Variants in ANK2 observed in about 807,000 individuals in gnomAD.
ANK2 encodes the protein ankyrin-2.
In ANK2, 83 loss-of-function variants were observed where a neutral mutation model predicts 360.5. The observed-to-expected ratio is 0.23, with a 90% CI of 0.19 to 0.28. The LOEUF is 0.28. Among genes scored for constraint, ANK2 ranks in the 10% least tolerant of loss-of-function variants. The probability of loss-of-function intolerance (pLI) is 1.00; values close to 1 mark genes in which losing one functional copy is unlikely to be tolerated. For synonymous variants in ANK2, 1,740 were observed against 1,759.5 expected, an observed-to-expected ratio of 0.99 and a Z score of 0.28; for missense variants, 4,201 against 4,795.7, an observed-to-expected ratio of 0.88 and a Z score of 3.66.
At chr4:113,207,686 CAAAAAA>C (rs34818513) in intron 4 of ANK2, among the ~76,000 whole-genome samples, 19 of 101,622 alleles carry the variant, frequency 1.9e-4, no homozygotes, top group African/African-American at 5.9e-4. Flanking sequence ...GATCACAAAG[CAAAAAA>C]AAAAAAAAAA....
chr4:112,756,063 C>G, the ANK2 span: 2 of 152,042 alleles, frequency 1.3e-5, no homozygotes, highest in Admixed American at 1.3e-4. Flanking sequence ...CACGGTGAAA[C>G]CCCATCTCTA....
intron 1 of ANK2, among the ~76,000 whole-genome samples, chr4:112,871,195 T>A (rs928032590): frequency 2.6e-5 from 4 of 152,096 alleles, no homozygotes; most frequent in Admixed American, 2.6e-4. Context: ...TTAGTTTTTT[T>A]TTTTTTGTGA....
At chr4:112,825,906 T>C (rs2058317651) in intron 1 of ANK2, among the ~76,000 whole-genome samples, 1 of 152,168 alleles carries the variant, frequency 6.6e-6, no homozygotes, top group Admixed American at 6.5e-5. Flanking sequence ...ATAAGAACAT[T>C]CCTTTCCTCC....
chr4:112,904,081 G>C (rs988553049), intron 1 of ANK2, among the ~76,000 whole-genome samples: 1 of 152,046 alleles, frequency 6.6e-6, no homozygotes, highest in Admixed American at 6.6e-5. Flanking sequence ...AATACTCTTT[G>C]GTCAGCAATT....
In ANK2 at chr4:113,069,059, A is replaced by G. The variant is rs533555718; in HGVS notation, c.84+19247A>G. ...CAACACAGCGAGACCCTGTCTAATG[A>G]AAAGAAAAGAAAAGAAGAGAAAAGA... On this transcript the variant is annotated intron_variant, in intron 1 of 45. Coordinates refer to ENST00000357077, the MANE Select transcript of ANK2 (RefSeq NM_001148.6). Among the ~76,000 whole-genome samples, 732 of 151,098 alleles carry G rather than the reference A, an allele frequency of 4.8e-3. 3 individuals are homozygous for G. Among genetic ancestry groups the G allele is most frequent in the African/African-American group, 0.017 (700 of 40,554 alleles).
intron 1 of ANK2, among the ~76,000 whole-genome samples, chr4:113,168,165 A>G (rs530310335): frequency 6.6e-6 from 1 of 152,332 alleles, no homozygotes; most frequent in Admixed American, 6.5e-5. Flanking sequence ...AGCAAAAATT[A>G]GTGTTAAAAT....
the ANK2 span, among the ~76,000 whole-genome samples, chr4:112,733,264 A>G: frequency 6.6e-6 from 1 of 152,130 alleles, no homozygotes; most frequent in Non-Finnish European, 1.5e-5. Flanking sequence ...ACTGTTATTT[A>G]TATCTCCCTG....
At chr4:113,305,962 A>C (rs998127778) in intron 23 of ANK2, among the ~76,000 whole-genome samples, 1 of 152,228 alleles carries the variant, frequency 6.6e-6, no homozygotes, top group Non-Finnish European at 1.5e-5. Flanking sequence ...AAGACTTTAC[A>C]TTGAGATGTC....
chr4:113,121,860 C>A (rs1205618274), intron 1 of ANK2, among the ~76,000 whole-genome samples: 1 of 142,224 alleles, frequency 7.0e-6, no homozygotes, highest in Non-Finnish European at 1.5e-5. Flanking sequence ...TTGGGGAAAT[C>A]TCCCCCCCCA....
chr4:112,795,801 A>ATTT, the ANK2 span, among the ~76,000 whole-genome samples: 2,027 of 137,778 alleles, frequency 0.015, 48 homozygotes, highest in Admixed American at 0.061. Context: ...TGTGCCCAGC[A>ATTT]TTTTTTTTTT....
intron 2 of ANK2, among the ~76,000 whole-genome samples, chr4:112,979,225 G>A (rs11735361): frequency 0.24 from 36,014 of 152,066 alleles, 4,462 homozygotes; most frequent in East Asian, 0.42. Context: ...TGTGGGGTCC[G>A]ACCACTGCGC....
chr4:113,204,761 G>A (rs1033281647), intron 4 of ANK2, among the ~76,000 whole-genome samples: 4 of 152,018 alleles, frequency 2.6e-5, no homozygotes, highest in Non-Finnish European at 5.9e-5. Flanking sequence ...CTTGAATTAG[G>A]GAAGTCCAAA....
chr4:112,952,387 A>G (rs1214666246), intron 2 of ANK2, among the ~76,000 whole-genome samples: 1 of 152,212 alleles, frequency 6.6e-6, no homozygotes, highest in East Asian at 1.9e-4. Context: ...AAAATTGAAA[A>G]TTTAACAGTT....
At chr4:113,337,189 G>A (rs2093650032) in intron 31 of ANK2, among the ~76,000 whole-genome samples, 1 of 151,860 alleles carries the variant, frequency 6.6e-6, no homozygotes, top group East Asian at 1.9e-4. Context: ...TAAATCTGCT[G>A]GGAAAAAAAA....
At chr4:112,930,334 G>T (rs2093057745) in intron 2 of ANK2, among the ~76,000 whole-genome samples, 1 of 151,846 alleles carries the variant, frequency 6.6e-6, no homozygotes, top group Admixed American at 6.6e-5. Context: ...TGTAGTCCCA[G>T]CTACTTGGGA....
In ANK2 at chr4:113,357,164, C is replaced by T; in HGVS notation, c.8546C>T (p.Ser2849Phe). 1.9e-6 allele frequency: 3 copies of T among 1,614,158 alleles called. No individual in the cohort carries two copies. Among genetic ancestry groups the T allele is most frequent in the Non-Finnish European group, 2.5e-6 (3 of 1,179,994 alleles). ...CPSESFSSSS[S>F]LPHCLVSEGK... is the part of the protein sequence containing the mutation. ...AGTGAAAGCTTTTCATCTTCATCCTCTTTGCCTCATTGTTTGGTATCTGAA... is the reference window on the plus strand; with the variant it reads ...AGTGAAAGCTTTTCATCTTCATCCTTTTTGCCTCATTGTTTGGTATCTGAA... The change falls in exon 38 of 46, where the codon TCT (serine) becomes TTT (phenylalanine). Residue 2849 changes from serine to phenylalanine, a missense_variant. By Grantham distance (155) the Ser-to-Phe change is radical. This residue lies in a region of ANK2 where 2,642 missense variants were observed against 2,714.5 expected (regional missense o/e 0.97). Transcript: ENST00000357077.
chr4:113,334,140 A>T (rs1588447475), intron 29 of ANK2, among the ~76,000 whole-genome samples: 1 of 152,182 alleles, frequency 6.6e-6, no homozygotes, highest in Non-Finnish European at 1.5e-5. Flanking sequence ...TATGGATAGG[A>T]AAGAGTAGCC....
intron 4 of ANK2, among the ~76,000 whole-genome samples, chr4:113,219,934 AG>A (rs1010547322): frequency 5.3e-5 from 8 of 152,188 alleles, no homozygotes; most frequent in Non-Finnish European, 1.2e-4. Flanking sequence ...AACAACAAAA[AG>A]GGGGTTTTCT....
intron 1 of ANK2, among the ~76,000 whole-genome samples, chr4:113,095,016 G>A (rs2090380579): frequency 6.6e-6 from 1 of 152,212 alleles, no homozygotes; most frequent in Non-Finnish European, 1.5e-5. Context: ...AAATTTAAAA[G>A]ATAAGAGCAA....
Sources: gnomAD v4.1 joint callset for allele counts (sites outside exome capture counted in the v4.1 genomes callset) on GRCh38, gnomAD v4.1.1 for gene constraint, gnomAD v4.1.1 regional missense constraint, MANE v1.5 for transcripts, NCBI Gene and HGNC (gene_info 2026-07-23, HGNC 2026-07-21) for gene names.